The following MRPL1 variants were observed in gnomAD, a reference collection of about 807,000 sequenced individuals.
The protein encoded by MRPL1 is large ribosomal subunit protein uL1m.
In MRPL1, 28 loss-of-function variants were observed where a neutral mutation model predicts 38.0. The ratio of observed to expected loss-of-function variants is 0.74; its 90% confidence interval spans 0.55 to 1.01. The LOEUF is 1.01. Ranked by LOEUF, MRPL1 falls within the 50% of genes least tolerant of loss-of-function variation. The probability of loss-of-function intolerance (pLI) is 0.00; values close to 1 mark genes in which losing one functional copy is unlikely to be tolerated. For synonymous variants in MRPL1, 123 were observed against 126.7 expected, an observed-to-expected ratio of 0.97 and a Z score of 0.20; for missense variants, 358 against 389.8, an observed-to-expected ratio of 0.92 and a Z score of 0.69.
At chr4:77,867,508 A>G (rs899967960) in intron 1 of MRPL1, among the ~76,000 whole-genome samples, 23 of 152,136 alleles carry the variant, frequency 1.5e-4, no homozygotes, top group African/African-American at 4.6e-4. Flanking sequence ...TCTATTGAGG[A>G]GCAGGAATTA....
At chr4:77,917,268 A>G (rs1009358816) in intron 7 of MRPL1, among the ~76,000 whole-genome samples, 1 of 152,094 alleles carries the variant, frequency 6.6e-6, no homozygotes, top group African/African-American at 2.4e-5. Flanking sequence ...CACCCCTACC[A>G]TCACCTGCTC....
intron 5 of MRPL1, among the ~76,000 whole-genome samples, chr4:77,893,258 A>G (rs1689983658): frequency 6.6e-6 from 1 of 152,130 alleles, no homozygotes; most frequent in Admixed American, 6.6e-5. Flanking sequence ...CTGGGACTAC[A>G]GATGTGTGCC....
intron 1 of MRPL1, among the ~76,000 whole-genome samples, chr4:77,863,214 A>C (rs1735044159): frequency 6.6e-6 from 1 of 152,080 alleles, no homozygotes; most frequent in African/African-American, 2.4e-5. Flanking sequence ...GAGTTCTGAT[A>C]AGGGAAAGAT....
intron 2 of MRPL1, among the ~76,000 whole-genome samples, chr4:77,873,632 C>G (rs898688265): frequency 6.6e-6 from 1 of 152,158 alleles, no homozygotes; most frequent in Admixed American, 6.5e-5. Flanking sequence ...ACTTAGCATA[C>G]TTTGTTGAGC....
At chr4:77,905,166 A>T (rs958690528) in intron 6 of MRPL1, among the ~76,000 whole-genome samples, 2 of 152,062 alleles carry the variant, frequency 1.3e-5, no homozygotes, top group Non-Finnish European at 2.9e-5. Context: ...CTAATTTTTT[A>T]AAAAAGGGGC....
chr4:77,930,822 C>T (rs1426430066), intron 7 of MRPL1, among the ~76,000 whole-genome samples: 6 of 152,168 alleles, frequency 3.9e-5, no homozygotes, highest in Admixed American at 3.3e-4. Flanking sequence ...TCCCTCTGCA[C>T]CTCTTTCCCG....
chr4:77,919,406 G>A (rs1190164842), intron 7 of MRPL1, among the ~76,000 whole-genome samples: 2 of 152,070 alleles, frequency 1.3e-5, no homozygotes, highest in Non-Finnish European at 2.9e-5. Context: ...TTCTATAAAT[G>A]TTGACTATCC....
intron 1 of MRPL1, among the ~76,000 whole-genome samples, chr4:77,866,645 T>G: frequency 6.6e-6 from 1 of 152,090 alleles, no homozygotes; most frequent in Non-Finnish European, 1.5e-5. Flanking sequence ...TTAAACACAT[T>G]AAGAACACTC....
intron 7 of MRPL1, among the ~76,000 whole-genome samples, chr4:77,945,840 C>T (rs1040106853): frequency 5.3e-5 from 8 of 152,076 alleles, no homozygotes; most frequent in Non-Finnish European, 8.8e-5. Flanking sequence ...ACAAAGATCA[C>T]ATGCTTCTGA....
intron 1 of MRPL1, among the ~76,000 whole-genome samples, chr4:77,871,440 G>A (rs147110552): frequency 6.6e-6 from 1 of 152,098 alleles, no homozygotes; most frequent in Non-Finnish European, 1.5e-5. Flanking sequence ...AAGTAGCTGG[G>A]ACTACAGGTT....
At chr4:77,880,495 CTT>C (rs200273544) in intron 2 of MRPL1, among the ~76,000 whole-genome samples, 18,996 of 121,410 alleles carry the variant, frequency 0.16, 1,558 homozygotes, top group African/African-American at 0.27. Flanking sequence ...TCTGCAAGGT[CTT>C]TTTTTTTTTT....
chr4:77,889,366 T>G (rs1392105082), intron 5 of MRPL1, among the ~76,000 whole-genome samples: 3 of 152,198 alleles, frequency 2.0e-5, no homozygotes, highest in Non-Finnish European at 4.4e-5. Flanking sequence ...CTGAACAACC[T>G]GCTCCTGAAT....
intron 1 of MRPL1, among the ~76,000 whole-genome samples, chr4:77,870,648 A>G (rs549417687): frequency 1.3e-5 from 2 of 152,304 alleles, no homozygotes; most frequent in African/African-American, 4.8e-5. Flanking sequence ...ATTGGTACCT[A>G]TATGTTTATA....
intron 5 of MRPL1, among the ~76,000 whole-genome samples, chr4:77,891,440 C>T (rs1251606677): frequency 6.6e-6 from 1 of 151,346 alleles, no homozygotes; most frequent in East Asian, 2.0e-4. Flanking sequence ...ACTGCAACCT[C>T]TGCCTCCTGA....
At chr4:77,878,148 C>G (rs569655438) in intron 2 of MRPL1, among the ~76,000 whole-genome samples, 1 of 152,334 alleles carries the variant, frequency 6.6e-6, no homozygotes, top group South Asian at 2.1e-4. Context: ...GAGTGTGGGA[C>G]TGACTGTCCT....
At chr4:77,946,253 A>G (rs972931506) in intron 7 of MRPL1, among the ~76,000 whole-genome samples, 1 of 152,176 alleles carries the variant, frequency 6.6e-6, no homozygotes, top group Non-Finnish European at 1.5e-5. Flanking sequence ...GAAGAAAAAT[A>G]TGGCTCTATT....
intron 6 of MRPL1, among the ~76,000 whole-genome samples, chr4:77,902,119 G>T (rs1736049135): frequency 6.6e-6 from 1 of 152,132 alleles, no homozygotes; most frequent in African/African-American, 2.4e-5. Flanking sequence ...AAGAAGAAAT[G>T]AAAGACTGTC....
At chr4:77,879,049 G>A (rs960436930) in intron 2 of MRPL1, among the ~76,000 whole-genome samples, 1 of 152,104 alleles carries the variant, frequency 6.6e-6, no homozygotes, top group African/African-American at 2.4e-5. Context: ...TGTTCTCTTT[G>A]ATTCAGACTG....
intron 7 of MRPL1, among the ~76,000 whole-genome samples, chr4:77,927,076 C>T (rs1223073371): frequency 6.6e-6 from 1 of 151,940 alleles, no homozygotes; most frequent in Non-Finnish European, 1.5e-5. Context: ...ACTTTTCCCT[C>T]CCTCCTTGGT....
Sources: gnomAD v4.1 joint callset for allele counts (sites outside exome capture counted in the v4.1 genomes callset) on GRCh38, gnomAD v4.1.1 for gene constraint, MANE v1.5 for transcripts, NCBI Gene and HGNC (gene_info 2026-07-23, HGNC 2026-07-21) for gene names.